The following EIF3F variants were observed in gnomAD, a reference collection of about 807,000 sequenced individuals.
EIF3F encodes the protein eukaryotic translation initiation factor 3 subunit F, also known as deubiquitinating enzyme eIF3f.
A neutral mutation model predicts 36.0 loss-of-function variants in EIF3F; 8 were observed. The ratio of observed to expected loss-of-function variants is 0.22; its 90% CI spans 0.13 to 0.40. EIF3F has a LOEUF of 0.40. EIF3F is among the 10% of genes least tolerant of loss of function. The pLI is 1.00. For synonymous variants in EIF3F, 184 were observed against 188.5 expected (o/e 0.98, Z 0.19); for missense variants, 430 against 467.6 (o/e 0.92, Z 0.74).
chr11:7,987,484 C>T lies in EIF3F; in HGVS notation c.132C>T (p.Ala44=). ...AAAPVPAAAP[A]SSSDPAAAAA... ...CTCCGGTTCCCGCTGCGGCTCCAGCCTCATCCTCAGACCCTGCGGCAGCAG... is the reference window on the plus strand; with the variant it reads ...CTCCGGTTCCCGCTGCGGCTCCAGCTTCATCCTCAGACCCTGCGGCAGCAG... The change falls in exon 1 of 8, where the codon GCC becomes GCT. Residue 44 remains alanine, a synonymous_variant. Coordinates refer to ENST00000651655, the MANE Select transcript of EIF3F (RefSeq NM_003754.3). The T allele has an allele frequency of 6.2e-7, 1 of 1,607,138 alleles. No homozygotes were observed. Among genetic ancestry groups the T allele is most frequent in the Non-Finnish European group, 8.5e-7 (1 of 1,178,758 alleles).
At chr11:7,991,221 T>C (rs1302810694) in intron 1 of EIF3F, among the ~76,000 whole-genome samples, 2 of 151,196 alleles carry the variant, frequency 1.3e-5, no homozygotes, top group Non-Finnish European at 2.9e-5. Context: ...AAAAGAAATA[T>C]GGAAGTAAAG....
At position 7,995,073 on chromosome 11, in the gene EIF3F, C is replaced by T. The variant is rs1191438704; in HGVS notation, c.837C>T (p.Ile279=). The T allele has an allele frequency of 6.2e-7, 1 of 1,613,864 alleles. No individual in the cohort carries two copies. Among genetic ancestry groups the T allele is most frequent in the African/African-American group, 1.3e-5 (1 of 74,902 alleles). ...LQQVGGASAR[I]QDALSTVLQY... is the part of the protein sequence containing the mutation. ...AAGTAGGAGGGGCATCAGCTCGCAT[C>T]CAGGATGCCCTGAGTACAGTGTTGC... Residue 279 remains isoleucine, a synonymous_variant, in exon 6 of 8, where the codon ATC becomes ATT. Coordinates refer to ENST00000651655, the MANE Select transcript of EIF3F (RefSeq NM_003754.3).
At chr11:7,993,215 C>T (rs977830362) in intron 4 of EIF3F, among the ~76,000 whole-genome samples, 191 bp downstream of exon 4, 19 of 152,186 alleles carry the variant, frequency 1.2e-4, no homozygotes, top group African/African-American at 4.3e-4. Flanking sequence ...TACCGCTGAT[C>T]CTAGTTGTAC....
chr11:7,998,090 G>GTGTA lies in EIF3F; in HGVS notation c.*2069_*2070insGTAT, dbSNP rs138057555. ...CGGATACTAAACGGTGACTGTGTGT[G>GTGTA]TATATATATATGTATAGTCTGTTCT... On this transcript the variant is annotated 3_prime_UTR_variant, in exon 8 of 8. Transcript: ENST00000651655. 3.3e-5 allele frequency: 5 copies of GTGTA among 151,830 alleles called. No individual in the cohort carries two copies. The highest frequency in any genetic ancestry group is 1.3e-4 in the Admixed American group (2 of 15,248). 9.4% of individuals were successfully genotyped at this position (151,830 alleles called of 1,614,324 possible).
chr11:7,991,189 T>C lies in EIF3F; in HGVS notation c.365-592T>C, dbSNP rs373855837. On this transcript the variant is annotated intron_variant, in intron 1 of 7. Transcript: ENST00000651655. Reference sequence around the variant, plus strand: ...TAGCCTGGGCGACAGCAAGATTTCGTCTCAGAAAAAAAAAAAAGAAAAAAA... The same window carrying C: ...TAGCCTGGGCGACAGCAAGATTTCGCCTCAGAAAAAAAAAAAAGAAAAAAA... 2.1e-4 allele frequency among the ~76,000 whole-genome samples: 31 copies of C among 147,834 alleles called. No homozygotes were observed. The East Asian group carries it at 6.1e-3, about 29-fold the overall frequency.
At chr11:7,992,384 T>G (rs1261768869) in intron 3 of EIF3F, 2 of 574,238 alleles carry the variant, frequency 3.5e-6, no homozygotes, top group Non-Finnish European at 6.1e-6. Context: ...CTGAACAAAA[T>G]AGTGAGACCC....
rs191980324 is a variant in EIF3F, at chr11:8,001,460, T to A, written c.*5438T>A. ...ACTGAAATACTTGGTTATCATAGCG[T>A]AAAGATGGTAATCAACCCAAATGAC... is the stretch of plus-strand genomic sequence containing the variant. On this transcript the variant is annotated 3_prime_UTR_variant, in exon 8 of 8. Transcript: ENST00000651655. The A allele has an allele frequency of 3.5e-4, 54 of 152,212 alleles. No homozygotes were observed. Among genetic ancestry groups the A allele is most frequent in the African/African-American group, 1.3e-3 (53 of 41,514 alleles). 9.4% of individuals were successfully genotyped at this position (152,212 alleles called of 1,614,324 possible). A position where few individuals can be genotyped will look rare whatever the true frequency, so the allele number is the denominator to read the frequency against.
rs1353183529 is a variant in EIF3F, at chr11:7,997,391, T to A, written c.*1369T>A. 1 of 152,208 alleles carries A rather than the reference T, an allele frequency of 6.6e-6. No homozygotes were observed. Among genetic ancestry groups the A allele is most frequent in the African/African-American group, 2.4e-5 (1 of 41,450 alleles). 9.4% of individuals were successfully genotyped at this position (152,208 alleles called of 1,614,324 possible). A position where few individuals can be genotyped will look rare whatever the true frequency, so the allele number is the denominator to read the frequency against. On this transcript the variant is annotated 3_prime_UTR_variant, in exon 8 of 8. Transcript: ENST00000651655. ...CGAGGTTAATTGCTAGAAGTATATA[T>A]AATCTCTCAATGAATAGTGATGAGA...
Position 7,995,936 on chromosome 11 carries a change from G to A in EIF3F, c.997-9G>A, listed in dbSNP as rs1244022824. On this transcript the variant is annotated splice_polypyrimidine_tract_variant and intron_variant, in intron 7 of 7. Transcript: ENST00000651655. ...ACCCCCCACTCATTGTGTATTCTTT[G>A]TCTTCCAGGACCTTTTGATGGTGAC... 1.2e-6 allele frequency: 2 copies of A among 1,613,542 alleles called. No individual in the cohort carries two copies. The highest frequency in any genetic ancestry group is 1.7e-6 in the Non-Finnish European group (2 of 1,179,694).
In EIF3F at chr11:7,994,985, A is replaced by C; in HGVS notation, c.749A>C (p.Asp250Ala). 1 of 1,612,948 alleles carries C rather than the reference A, an allele frequency of 6.2e-7. No individual in the cohort carries two copies. ...AYYDTERIGV[D>A]LIMKTCFSPN... ...CCCTGCCAACCAACTTCCATAGTTG[A>C]CCTGATCATGAAGACCTGCTTTAGC... Residue 250 changes from aspartate (D) to alanine (A), a missense_variant, in exon 6 of 8, where the codon GAC (aspartate) becomes GCC (alanine). Physicochemically the swap from Asp to Ala is moderately radical, Grantham distance 126. Transcript: ENST00000651655.
rs1013965034 is a variant in EIF3F at position 8,001,627 on chromosome 11, A to G, written c.*5605A>G. The stretch of plus-strand genomic sequence containing the variant: ...AAAAAGCCAGGAGAGAATGTTGTCT[A>G]TAATATGCTGTTGTTGTGTACGGGA... On this transcript the variant is annotated 3_prime_UTR_variant, in exon 8 of 8. Coordinates refer to ENST00000651655, the MANE Select transcript of EIF3F (RefSeq NM_003754.3). 3.9e-5 allele frequency: 6 copies of G among 152,206 alleles called. No individual in the cohort carries two copies. Among genetic ancestry groups the G allele is most frequent in the African/African-American group, 1.4e-4 (6 of 41,452 alleles). The allele number at this position is 152,206 out of a possible 1,614,324, so 9.4% of individuals were successfully genotyped here.
Position 7,994,423 on chromosome 11 carries a change from C to T in EIF3F, c.654-3C>T, listed in dbSNP as rs770529976. 1.9e-6 allele frequency: 3 copies of T among 1,613,676 alleles called. No individual in the cohort carries two copies. The highest frequency in any genetic ancestry group is 2.5e-6 in the Non-Finnish European group (3 of 1,179,860). ...CTGTTTACTTTGGCTTCTCCTTCCG[C>T]AGCACTTTAATGGGAGTCCCTGGGA... On this transcript the variant is annotated splice_polypyrimidine_tract_variant and splice_region_variant and intron_variant, in intron 4 of 7. Transcript: ENST00000651655.
Position 7,996,082 on chromosome 11 carries a change from G to A in EIF3F, c.*60G>A, listed in dbSNP as rs182229070. ...ATTAACCCCAGGACTCAGAAGTGAA[G>A]GAGAAATGGGTTTTTTGTGGTCTTG... On this transcript the variant is annotated 3_prime_UTR_variant, in exon 8 of 8. Coordinates refer to ENST00000651655, the MANE Select transcript of EIF3F (RefSeq NM_003754.3). The A allele has an allele frequency of 2.9e-3, 4,469 of 1,529,276 alleles. 17 individuals are homozygous for A. Among genetic ancestry groups the A allele is most frequent in the Non-Finnish European group, 3.8e-3 (4,170 of 1,103,224 alleles). The allele number at this position is 1,529,276 out of a possible 1,614,324, so 94.7% of individuals were successfully genotyped here. A position where few individuals can be genotyped will look rare whatever the true frequency, so the allele number is the denominator to read the frequency against.
intron 1 of EIF3F, chr11:7,987,959 T>C (rs1030731951): frequency 2.4e-5 from 11 of 454,868 alleles, no homozygotes; most frequent in African/African-American, 2.2e-4. Flanking sequence ...ACACAAGGAG[T>C]AGTTGTGTCA....
Position 7,995,118 on chromosome 11 carries a change from G to T in EIF3F, c.882G>T (p.Leu294=). The T allele has an allele frequency of 6.2e-7, 1 of 1,613,536 alleles. No homozygotes were observed. The highest frequency in any genetic ancestry group is 8.5e-7 in the Non-Finnish European group (1 of 1,179,556). The change falls in exon 6 of 8, where the codon CTG becomes CTT. Residue 294 remains leucine, a splice_region_variant and synonymous_variant. Coordinates refer to ENST00000651655, the MANE Select transcript of EIF3F (RefSeq NM_003754.3). The part of the protein sequence containing the change: ...STVLQYAEDV[L]SGKVSADNTV... ...TGTTGCAATATGCAGAGGATGTACT[G>T]GTGAGAGGGGAAAGAAAAAACAAAG...
At chr11:7,991,072 G>A (rs1219960255) in intron 1 of EIF3F, among the ~76,000 whole-genome samples, 2 of 151,818 alleles carry the variant, frequency 1.3e-5, no homozygotes, top group East Asian at 3.9e-4. Flanking sequence ...ATGCGCACCT[G>A]TAGTCTCAGC....
rs1564889103 is a variant in EIF3F at position 8,001,255 on chromosome 11, CGT to C, written c.*5235_*5236del. On this transcript the variant is annotated 3_prime_UTR_variant, in exon 8 of 8. Coordinates refer to ENST00000651655, the MANE Select transcript of EIF3F (RefSeq NM_003754.3). ...CTGGAATGGCCAGAGTAAGAGGAAACGTGACACAGGCACAGATTGCTGGTAGA... is the reference window on the plus strand; with the variant it reads ...CTGGAATGGCCAGAGTAAGAGGAAACGACACAGGCACAGATTGCTGGTAGA... The C allele has an allele frequency of 6.6e-6, 1 of 152,208 alleles. No individual in the cohort carries two copies. Among genetic ancestry groups the C allele is most frequent in the Admixed American group, 6.5e-5 (1 of 15,282 alleles). The allele number at this position is 152,208 out of a possible 1,614,324, so 9.4% of individuals were successfully genotyped here. A position where few individuals can be genotyped will look rare whatever the true frequency, so the allele number is the denominator to read the frequency against.
intron 1 of EIF3F, among the ~76,000 whole-genome samples, 166 bp from the exon 2 acceptor site, chr11:7,991,615 C>A (rs1041747235): frequency 6.6e-6 from 1 of 152,182 alleles, no homozygotes; most frequent in Non-Finnish European, 1.5e-5. Context: ...TTTCAGTTCC[C>A]TGGAGAATTC....
In EIF3F at chr11:7,995,038, G is replaced by T; in HGVS notation, c.802G>T (p.Asp268Tyr). ...SPNRVIGLSS[D>Y]LQQVGGASAR... ...CAACAGAGTGATTGGACTCTCAAGTGACTTGCAGCAAGTAGGAGGGGCATC... is the reference window on the plus strand; with the variant it reads ...CAACAGAGTGATTGGACTCTCAAGTTACTTGCAGCAAGTAGGAGGGGCATC... Residue 268 changes from aspartate (D) to tyrosine (Y), a missense_variant, in exon 6 of 8, where the codon GAC (aspartate) becomes TAC (tyrosine). By Grantham distance (160) the Asp-to-Tyr change is radical (BLOSUM62 -3). Around this residue, in one of 2 missense-constraint regions of EIF3F, gnomAD observed 262 missense variants for 347.4 expected, o/e 0.75. Coordinates refer to ENST00000651655, the MANE Select transcript of EIF3F (RefSeq NM_003754.3). The T allele has an allele frequency of 6.2e-7, 1 of 1,613,970 alleles. No homozygotes were observed. Among genetic ancestry groups the T allele is most frequent in the South Asian group, 1.1e-5 (1 of 91,070 alleles).
Sources: allele counts gnomAD v4.1 joint callset (sites outside exome capture counted in the v4.1 genomes callset), GRCh38; gene constraint gnomAD v4.1.1; regional missense constraint gnomAD v4.1.1; transcripts MANE v1.5; gene names NCBI Gene and HGNC (gene_info 2026-07-23, HGNC 2026-07-21).